Variants in OTULIN observed in about 807,000 individuals in gnomAD.
OTULIN encodes OTU deubiquitinase with linear linkage specificity, also known as ubiquitin thioesterase otulin.
In OTULIN, 15 loss-of-function variants were observed where a neutral mutation model predicts 39.6. The ratio of observed to expected loss-of-function variants is 0.38; its 90% confidence interval spans 0.25 to 0.58. The LOEUF (loss-of-function observed/expected upper bound fraction) is 0.58, where lower values mean the gene tolerates loss of function less well. Ranked by LOEUF, OTULIN falls within the 20% of genes least tolerant of loss-of-function variation. OTULIN has a pLI of 0.66. For missense variants in OTULIN, 319 were observed against 445.9 expected (o/e 0.72, Z 2.56); for synonymous variants, 156 against 170.3 (o/e 0.92, Z 0.65).
chr5:14,714,054 C>T, the OTULIN span, among the ~76,000 whole-genome samples: 1 of 152,256 alleles, frequency 6.6e-6, no homozygotes, highest in Non-Finnish European at 1.5e-5. Context: ...TGTGATGCTG[C>T]GTGAGCAGAA....
At chr5:14,678,848 T>C in intron 3 of OTULIN, 73 bp downstream of exon 3, 1 of 1,006,932 alleles carries the variant, frequency 9.9e-7, no homozygotes, top group Non-Finnish European at 1.5e-6. Context: ...TGTCATTTGA[T>C]ATTTTTAGAC....
chr5:14,710,511 T>C, the OTULIN span: 1 of 154,630 alleles, frequency 6.5e-6, no homozygotes, highest in African/African-American at 2.4e-5. Context: ...CATTCAACCA[T>C]GTCAGTTTGC....
At chr5:14,678,260 T>C (rs31929) in intron 2 of OTULIN, among the ~76,000 whole-genome samples, 119,049 of 152,090 alleles carry the variant, frequency 0.78, 47,449 homozygotes, top group South Asian at 0.91. Flanking sequence ...TTGGAGAGTA[T>C]TGGGAGGCTG....
intron 1 of OTULIN, among the ~76,000 whole-genome samples, chr5:14,670,019 T>C (rs900947468): frequency 2.6e-5 from 4 of 152,218 alleles, no homozygotes; most frequent in South Asian, 4.1e-4. Flanking sequence ...ACTTACTCCT[T>C]CTATCCAGCT....
chr5:14,696,211 G>A lies in OTULIN; in HGVS notation c.*3163G>A, dbSNP rs1336272358. The A allele has an allele frequency of 1.3e-5, 2 of 152,204 alleles. No individual in the cohort carries two copies. Among genetic ancestry groups the A allele is most frequent in the Non-Finnish European group, 1.5e-5 (1 of 68,038 alleles). 9.4% of individuals were successfully genotyped at this position (152,204 alleles called of 1,614,324 possible). On this transcript the variant is annotated 3_prime_UTR_variant, in exon 7 of 7. Coordinates refer to ENST00000284274, the MANE Select transcript of OTULIN (RefSeq NM_138348.6). ...ATCTTTTAGAGAGAGGCTGTGAAGT[G>A]CTGAATCACCTTTAATGATACAGCA...
chr5:14,676,738 C>T (rs1736114171), intron 2 of OTULIN, among the ~76,000 whole-genome samples: 1 of 152,210 alleles, frequency 6.6e-6, no homozygotes, highest in Non-Finnish European at 1.5e-5. Flanking sequence ...TCTGTTCAGG[C>T]TCATAACCCT....
rs1424186604 is a variant in OTULIN at position 14,695,505 on chromosome 5, G to T, written c.*2457G>T. On this transcript the variant is annotated 3_prime_UTR_variant, in exon 7 of 7. Transcript: ENST00000284274. Reference sequence around the variant, plus strand: ...TTCTATCCCAGAGTGTCTTGCAAGAGTTTAGGAGTTTTGGACCCTGTGTAT... The same window carrying T: ...TTCTATCCCAGAGTGTCTTGCAAGATTTTAGGAGTTTTGGACCCTGTGTAT... 1 of 152,208 alleles carries T rather than the reference G, an allele frequency of 6.6e-6. No homozygotes were observed. Among genetic ancestry groups the T allele is most frequent in the African/African-American group, 2.4e-5 (1 of 41,446 alleles). 9.4% of individuals were successfully genotyped at this position (152,208 alleles called of 1,614,324 possible). A position where few individuals can be genotyped will look rare whatever the true frequency, so the allele number is the denominator to read the frequency against.
intron 1 of OTULIN, among the ~76,000 whole-genome samples, chr5:14,665,397 G>C (rs1260434003): frequency 2.6e-5 from 4 of 152,326 alleles, no homozygotes; most frequent in Non-Finnish European, 5.9e-5. Context: ...TGGAGGCGAC[G>C]TCCCACCTGT....
At chr5:14,686,776 A>C (rs925992291) in intron 4 of OTULIN, among the ~76,000 whole-genome samples, 1 of 152,186 alleles carries the variant, frequency 6.6e-6, no homozygotes, top group African/African-American at 2.4e-5. Flanking sequence ...TTCAAACTGC[A>C]GATTGTGTTG....
chr5:14,704,124 G>A (rs1284548404), downstream of OTULIN, among the ~76,000 whole-genome samples: 1 of 151,982 alleles, frequency 6.6e-6, no homozygotes, highest in Non-Finnish European at 1.5e-5. Flanking sequence ...AAGGTCAGGA[G>A]ATCAAGACCA....
intron 5 of OTULIN, 84 bp downstream of exon 5, chr5:14,687,730 C>G (rs1736421856): frequency 1.4e-6 from 2 of 1,464,658 alleles, no homozygotes; most frequent in South Asian, 1.4e-5. Flanking sequence ...AGTCTTCACT[C>G]AGTGGATTTT....
chr5:14,708,769 C>G, the OTULIN span: 1 of 152,176 alleles, frequency 6.6e-6, no homozygotes, highest in Non-Finnish European at 1.5e-5. Flanking sequence ...TTCCTGTGTT[C>G]TCAGAAACTC....
downstream of OTULIN, among the ~76,000 whole-genome samples, chr5:14,702,641 G>A (rs2126365192): frequency 6.6e-6 from 1 of 152,288 alleles, no homozygotes. Context: ...CACGTGAATT[G>A]CAAGCAGCTG....
rs1252861477 is a variant in OTULIN at position 14,694,114 on chromosome 5, CAG to C, written c.*1067_*1068del. The stretch of plus-strand genomic sequence containing the variant: ...CCAGATCTGTGTAACCCGTCTGGGT[CAG>C]GGGATGAGTGACAGCAAACCATCTT... On this transcript the variant is annotated 3_prime_UTR_variant, in exon 7 of 7. Transcript: ENST00000284274. 1.3e-5 allele frequency: 2 copies of C among 152,186 alleles called. No individual in the cohort carries two copies. The highest frequency in any genetic ancestry group is 2.1e-4 in the South Asian group (1 of 4,828). 9.4% of individuals were successfully genotyped at this position (152,186 alleles called of 1,614,324 possible). A position where few individuals can be genotyped will look rare whatever the true frequency, so the allele number is the denominator to read the frequency against.
intron 1 of OTULIN, among the ~76,000 whole-genome samples, chr5:14,669,519 C>T (rs1040204249): frequency 5.9e-5 from 9 of 152,178 alleles, no homozygotes; most frequent in African/African-American, 2.2e-4. Context: ...CACCTGTAAT[C>T]CCAGCTCTTT....
rs907244720 is a variant in OTULIN at position 14,694,982 on chromosome 5, T to C, written c.*1934T>C. The C allele has an allele frequency of 6.6e-6, 1 of 152,308 alleles. No individual in the cohort carries two copies. Among genetic ancestry groups the C allele is most frequent in the Non-Finnish European group, 1.5e-5 (1 of 68,026 alleles). The allele number at this position is 152,308 out of a possible 1,614,324, so 9.4% of individuals were successfully genotyped here. ...GCAGTAGAGATCTGTGCCCTTCAGG[T>C]ACATTGAATCTGACCATCAGTTTAT... On this transcript the variant is annotated 3_prime_UTR_variant, in exon 7 of 7. Transcript: ENST00000284274.
chr5:14,701,544 C>A (rs796904461), downstream of OTULIN, among the ~76,000 whole-genome samples: 18 of 152,290 alleles, frequency 1.2e-4, no homozygotes, highest in African/African-American at 4.3e-4. Context: ...GTATTACAAC[C>A]CCCTGCCCCA....
the OTULIN span, among the ~76,000 whole-genome samples, chr5:14,711,917 G>A: frequency 6.6e-6 from 1 of 152,168 alleles, no homozygotes; most frequent in East Asian, 1.9e-4. Context: ...ACACCAACAG[G>A]CCAAGGCAAG....
chr5:14,694,056 C>T lies in OTULIN; in HGVS notation c.*1008C>T, dbSNP rs1461577708. ...AGCTGGACCTGGGTTTTCCTATGCT[C>T]TTTTCATGCTGTGTTGGAGGGTGTG... On this transcript the variant is annotated 3_prime_UTR_variant, in exon 7 of 7. Transcript: ENST00000284274. 6.6e-6 allele frequency: 1 copy of T among 152,256 alleles called. No individual in the cohort carries two copies. The highest frequency in any genetic ancestry group is 1.5e-5 in the Non-Finnish European group (1 of 68,070). The allele number at this position is 152,256 out of a possible 1,614,324, so 9.4% of individuals were successfully genotyped here. A position where few individuals can be genotyped will look rare whatever the true frequency, so the allele number is the denominator to read the frequency against.
Sources: allele counts gnomAD v4.1 joint callset (sites outside exome capture counted in the v4.1 genomes callset), GRCh38; gene constraint gnomAD v4.1.1; transcripts MANE v1.5; gene names NCBI Gene and HGNC (gene_info 2026-07-23, HGNC 2026-07-21).